ABLIM3: variants seen among roughly 807,000 people sequenced by gnomAD.
ABLIM3 encodes the protein actin binding LIM protein family member 3.
In ABLIM3, 61 loss-of-function variants were observed where a neutral mutation model predicts 109.5. The ratio of observed to expected loss-of-function variants is 0.56; its 90% CI spans 0.45 to 0.69. The LOEUF is 0.69. Among genes scored for constraint, ABLIM3 ranks in the 30% least tolerant of loss-of-function variants. The pLI is 0.00. For missense variants in ABLIM3, 796 were observed against 889.5 expected, an observed-to-expected ratio of 0.89 and a Z score of 1.34; for synonymous variants, 300 against 324.8, an observed-to-expected ratio of 0.92 and a Z score of 0.82.
chr5:149,176,728 C>G (rs2127467781), intron 2 of ABLIM3, among the ~76,000 whole-genome samples: 1 of 152,278 alleles, frequency 6.6e-6, no homozygotes, highest in East Asian at 1.9e-4. Context: ...AAGACCCTTC[C>G]TTATGCATTA....
chr5:149,237,471 T>C lies in ABLIM3; in HGVS notation c.912T>C (p.Leu304=). 1.2e-6 allele frequency: 2 copies of C among 1,614,188 alleles called. No homozygotes were observed. The highest frequency in any genetic ancestry group is 1.7e-6 in the Non-Finnish European group (2 of 1,180,032). Reference sequence around the variant, plus strand: ...AGGCTAAAGTGGATAATGAGATCCTTAATTACAAAGACCTGGCGGCTCTCC... The same window carrying C: ...AGGCTAAAGTGGATAATGAGATCCTCAATTACAAAGACCTGGCGGCTCTCC... The part of the protein sequence containing the change: ...VICAKVDNEI[L]NYKDLAALPK... Residue 304 remains leucine (L), a synonymous_variant, in exon 11 of 24, where the codon CTT becomes CTC. Transcript: ENST00000309868.
Position 149,247,839 on chromosome 5 carries a change from T to C in ABLIM3, c.1609T>C (p.Ser537Pro), listed in dbSNP as rs1170890708. 6.2e-7 allele frequency: 1 copy of C among 1,614,072 alleles called. No individual in the cohort carries two copies. Among genetic ancestry groups the C allele is most frequent in the African/African-American group, 1.3e-5 (1 of 74,930 alleles). Residue 537 changes from serine (S) to proline (P), a missense_variant, in exon 18 of 24, where the codon TCC (serine) becomes CCC (proline). Ser to Pro is a moderately conservative substitution (Grantham distance 74, BLOSUM62 -1). Transcript: ENST00000309868. ...LKEEMKARSS[S>P]YADPWTPPRS... ...GGAAGAAATGAAGGCCCGGTCGAGCTCCTATGCAGATCCCTGGACCCCTCC... is the reference window on the plus strand; with the variant it reads ...GGAAGAAATGAAGGCCCGGTCGAGCCCCTATGCAGATCCCTGGACCCCTCC...
At chr5:149,224,068 G>C (rs1760929309) in intron 8 of ABLIM3, among the ~76,000 whole-genome samples, 1 of 152,038 alleles carries the variant, frequency 6.6e-6, no homozygotes, top group South Asian at 2.1e-4. Flanking sequence ...CTTAGCATAA[G>C]GTGCAGCATA....
At chr5:149,237,388 T>C in intron 10 of ABLIM3, 60 bp from the exon 11 acceptor site, 2 of 1,566,512 alleles carry the variant, frequency 1.3e-6, no homozygotes, top group East Asian at 4.5e-5. Context: ...GTTTCCTCTC[T>C]CCATTCCCTT....
intron 2 of ABLIM3, among the ~76,000 whole-genome samples, chr5:149,142,469 C>A (rs1429126729): frequency 1.3e-5 from 2 of 152,114 alleles, no homozygotes; most frequent in African/African-American, 4.8e-5. Flanking sequence ...GAGGGCCCTG[C>A]CTGTCCCAGA....
rs1265296710 is a variant in ABLIM3 at position 149,250,519 on chromosome 5, C to T, written c.1788+14C>T. 1 of 1,614,150 alleles carries T rather than the reference C, an allele frequency of 6.2e-7. No homozygotes were observed. Among genetic ancestry groups the T allele is most frequent in the East Asian group, 2.2e-5 (1 of 44,866 alleles). On this transcript the variant is annotated intron_variant, in intron 20 of 23. Coordinates refer to ENST00000309868, the MANE Select transcript of ABLIM3 (RefSeq NM_014945.5). The stretch of plus-strand genomic sequence containing the variant: ...GGGCTGCACAGGGTAAGAAGCTGTG[C>T]TGGAGGATGGGGGAGGACGTTGTCC...
chr5:149,192,194 A>G (rs75707757), intron 3 of ABLIM3, among the ~76,000 whole-genome samples: 118 of 152,232 alleles, frequency 7.8e-4, no homozygotes, highest in Middle Eastern at 3.4e-3. Context: ...ATATAGAAAT[A>G]AAAGTTATAT....
rs576722285 is a variant in ABLIM3, at chr5:149,252,519, G to A, written c.1858-238G>A. ...TGCCCATATTATTCCATGGGCACAT[G>A]GCAAATACCTCCAAGCTTATTCCTA... On this transcript the variant is annotated intron_variant, in intron 22 of 23. Transcript: ENST00000309868. The A allele has an allele frequency of 1.9e-4, 103 of 552,676 alleles. 1 individual carries two copies. Among genetic ancestry groups the A allele is most frequent in the East Asian group, 8.4e-4 (29 of 34,542 alleles). The allele number at this position is 552,676 out of a possible 1,614,324, so 34.2% of individuals were successfully genotyped here.
intron 7 of ABLIM3, among the ~76,000 whole-genome samples, chr5:149,214,032 A>G (rs1461706239): frequency 6.6e-6 from 1 of 152,208 alleles, no homozygotes; most frequent in Non-Finnish European, 1.5e-5. Context: ...AGGTAGCATG[A>G]TGTCAGGAAA....
At chr5:149,248,689 CAAA>C (rs10659679) in intron 18 of ABLIM3, among the ~76,000 whole-genome samples, 6 of 79,000 alleles carry the variant, frequency 7.6e-5, no homozygotes, top group Admixed American at 4.7e-4. Flanking sequence ...GACTCTCTCT[CAAA>C]AAAAAAAAAA....
chr5:149,249,827 A>G lies in ABLIM3; in HGVS notation c.1712A>G (p.His571Arg). Residue 571 changes from histidine to arginine, a missense_variant, in exon 19 of 24, where the codon CAC becomes CGC. By Grantham distance (29) the His-to-Arg change is conservative (BLOSUM62 0). Transcript: ENST00000309868. ...TTCTCTCCTGCAGCCCCTCGGTCGCACTACCTGGCTGACAGTGGTAAGTTC... is the reference window on the plus strand; with the variant it reads ...TTCTCTCCTGCAGCCCCTCGGTCGCGCTACCTGGCTGACAGTGGTAAGTTC... ...EMSLNGSPRS[H>R]YLADSDPLIS... is the part of the protein sequence containing the mutation. 6.2e-7 allele frequency: 1 copy of G among 1,614,178 alleles called. No individual in the cohort carries two copies. Among genetic ancestry groups the G allele is most frequent in the Non-Finnish European group, 8.5e-7 (1 of 1,180,020 alleles).
intron 2 of ABLIM3, among the ~76,000 whole-genome samples, chr5:149,180,150 C>T (rs1756333734): frequency 6.6e-6 from 1 of 152,252 alleles, no homozygotes; most frequent in Non-Finnish European, 1.5e-5. Flanking sequence ...CAGTTTCTAA[C>T]ATAAGAGGTA....
At chr5:149,190,339 A>C (rs927829613) in intron 3 of ABLIM3, among the ~76,000 whole-genome samples, 2 of 152,190 alleles carry the variant, frequency 1.3e-5, no homozygotes, top group Non-Finnish European at 2.9e-5. Flanking sequence ...TGAATTGTAC[A>C]TTTTAAATTG....
At chr5:149,214,787 T>C (rs996070230) in intron 7 of ABLIM3, among the ~76,000 whole-genome samples, 1 of 152,192 alleles carries the variant, frequency 6.6e-6, no homozygotes, top group Non-Finnish European at 1.5e-5. Context: ...GCTGTCAGTG[T>C]CACTCCTTCC....
intron 2 of ABLIM3, among the ~76,000 whole-genome samples, chr5:149,146,977 T>C (rs1486355729): frequency 6.6e-6 from 1 of 152,232 alleles, no homozygotes; most frequent in African/African-American, 2.4e-5. Flanking sequence ...GTTTGTGTCA[T>C]CTCTGATTTA....
intron 2 of ABLIM3, among the ~76,000 whole-genome samples, chr5:149,179,895 T>A (rs928839847): frequency 1.6e-4 from 25 of 152,236 alleles, no homozygotes; most frequent in Admixed American, 5.2e-4. Flanking sequence ...CTAGAACATG[T>A]CTATCATCTC....
At chr5:149,203,787 A>G (rs1323969987) in intron 5 of ABLIM3, among the ~76,000 whole-genome samples, 1 of 152,228 alleles carries the variant, frequency 6.6e-6, no homozygotes, top group Non-Finnish European at 1.5e-5. Flanking sequence ...CACCACTAAC[A>G]TAGATTATTA....
At chr5:149,252,911 A>C in intron 23 of ABLIM3, 74 bp downstream of exon 23, 88 of 1,174,140 alleles carry the variant, frequency 7.5e-5, no homozygotes, top group Non-Finnish European at 1.0e-4. Context: ...AATCCAGCTC[A>C]AGAGGGCTGG....
rs1396358811 is a variant in ABLIM3, at chr5:149,244,879, A to C, written c.1352-2A>C. 3.1e-6 allele frequency: 5 copies of C among 1,614,194 alleles called. No homozygotes were observed. In the Admixed American group the frequency reaches 5.0e-5, roughly 16 times the overall value. On this transcript the variant is annotated splice_acceptor_variant, in intron 15 of 23. Coordinates refer to ENST00000309868, the MANE Select transcript of ABLIM3 (RefSeq NM_014945.5). LOFTEE classifies it high-confidence loss of function. ...GAAGTGCTCTCCTTGGGTCCTCTGCAGGTGATTTGTCTACAGCAACCAAGA... is the reference window on the plus strand; with the variant it reads ...GAAGTGCTCTCCTTGGGTCCTCTGCCGGTGATTTGTCTACAGCAACCAAGA...
Sources: gnomAD v4.1 joint callset for allele counts (sites outside exome capture counted in the v4.1 genomes callset) on GRCh38, gnomAD v4.1.1 for gene constraint, MANE v1.5 for transcripts, NCBI Gene and HGNC (gene_info 2026-07-23, HGNC 2026-07-21) for gene names.